MNAT1: variants seen among roughly 807,000 people sequenced by gnomAD.
The protein encoded by MNAT1 is CDK-activating kinase assembly factor MAT1.
MNAT1 carries 43 observed loss-of-function variants against 42.0 expected under a neutral mutation model. The ratio of observed to expected loss-of-function variants is 1.02; its 90% CI spans 0.80 to 1.32. The LOEUF is 1.32. MNAT1 is among the 40% of genes most tolerant of loss of function. The pLI is 0.00. For synonymous variants in MNAT1, 118 were observed against 120.0 expected (o/e 0.98, Z 0.11); for missense variants, 306 against 350.4 (o/e 0.87, Z 1.01).
At chr14:60,843,704 C>T (rs1190574435) in intron 6 of MNAT1, among the ~76,000 whole-genome samples, 1 of 152,146 alleles carries the variant, frequency 6.6e-6, no homozygotes, top group African/African-American at 2.4e-5. Context: ...AGTCCTTTGT[C>T]AGACATCTGT....
At chr14:60,906,676 G>A (rs957622487) in intron 7 of MNAT1, among the ~76,000 whole-genome samples, 5 of 152,040 alleles carry the variant, frequency 3.3e-5, no homozygotes, top group Non-Finnish European at 5.9e-5. Flanking sequence ...AAGCAATAAG[G>A]GGTTGTGTTG....
At chr14:60,774,996 C>T (rs566988160) in intron 1 of MNAT1, among the ~76,000 whole-genome samples, 7 of 151,930 alleles carry the variant, frequency 4.6e-5, no homozygotes, top group Non-Finnish European at 1.0e-4. Flanking sequence ...AGATCAGGGC[C>T]GTAATCAGAT....
chr14:60,933,446 A>G (rs2035928119), intron 7 of MNAT1, among the ~76,000 whole-genome samples: 1 of 152,160 alleles, frequency 6.6e-6, no homozygotes, highest in Admixed American at 6.5e-5. Flanking sequence ...AGTAGCGGGT[A>G]AGATGTTTTG....
chr14:60,945,964 C>T (rs1283425148), intron 7 of MNAT1, among the ~76,000 whole-genome samples: 12 of 152,170 alleles, frequency 7.9e-5, no homozygotes, highest in Non-Finnish European at 1.5e-4. Flanking sequence ...TCCAAAGCCA[C>T]ACTCTAACTA....
At chr14:60,735,093 G>C in intron 1 of MNAT1, 142 bp downstream of exon 1, 2 of 816,104 alleles carry the variant, frequency 2.5e-6, no homozygotes. Flanking sequence ...AGAAGGCGTT[G>C]TGACTTTAAA....
chr14:60,818,927 A>G (rs1394336389), intron 6 of MNAT1, 80 bp downstream of exon 6: 1 of 1,484,854 alleles, frequency 6.7e-7, no homozygotes, highest in East Asian at 2.3e-5. Flanking sequence ...TTTCTATAGT[A>G]AACCGAAATG....
At chr14:60,967,947 C>T (rs1170507992) in intron 7 of MNAT1, among the ~76,000 whole-genome samples, 19 of 152,138 alleles carry the variant, frequency 1.2e-4, no homozygotes, top group Non-Finnish European at 1.5e-4. Context: ...CTCTGAAAAT[C>T]GTGAAGCAGT....
intron 7 of MNAT1, among the ~76,000 whole-genome samples, chr14:60,894,096 C>T (rs961692912): frequency 6.6e-6 from 1 of 152,066 alleles, no homozygotes; most frequent in African/African-American, 2.4e-5. Flanking sequence ...CCTGCCTCTC[C>T]CCTAGACTTA....
chr14:60,838,096 C>A (rs1445628891), intron 6 of MNAT1, among the ~76,000 whole-genome samples: 1 of 151,974 alleles, frequency 6.6e-6, no homozygotes, highest in African/African-American at 2.4e-5. Flanking sequence ...TTTTCTTGAT[C>A]TGTTCAGAGA....
intron 7 of MNAT1, among the ~76,000 whole-genome samples, chr14:60,929,992 A>G (rs913411428): frequency 2.0e-5 from 3 of 151,930 alleles, no homozygotes; most frequent in Non-Finnish European, 4.4e-5. Context: ...TTTAAACTCA[A>G]ATTGTTTGCA....
intron 6 of MNAT1, among the ~76,000 whole-genome samples, chr14:60,843,709 A>G (rs1009384629): frequency 6.6e-6 from 1 of 152,172 alleles, no homozygotes; most frequent in South Asian, 2.1e-4. Flanking sequence ...TTTGTCAGAC[A>G]TCTGTTTTAT....
At chr14:60,898,057 C>T (rs1213812910) in intron 7 of MNAT1, among the ~76,000 whole-genome samples, 2 of 150,534 alleles carry the variant, frequency 1.3e-5, no homozygotes, top group Non-Finnish European at 2.9e-5. Flanking sequence ...CTGCAAATGA[C>T]GTGGTTTAAT....
intron 6 of MNAT1, among the ~76,000 whole-genome samples, chr14:60,848,703 TTACTC>T (rs1594800035): frequency 6.6e-6 from 1 of 152,148 alleles, no homozygotes; most frequent in East Asian, 1.9e-4. Context: ...ATAGATGTAT[TTACTC>T]TATATATGTC....
intron 6 of MNAT1, 36 bp from the exon 7 acceptor site, chr14:60,879,678 A>G: frequency 1.3e-6 from 2 of 1,563,236 alleles, no homozygotes; most frequent in Non-Finnish European, 8.7e-7. Flanking sequence ...TGAAAATAAT[A>G]ATAAGAGGTA....
At position 60,949,619 on chromosome 14, in the gene MNAT1, A is replaced by G. The variant is rs531083226; in HGVS notation, c.810-18610A>G. On this transcript the variant is annotated intron_variant, in intron 7 of 7. Coordinates refer to ENST00000261245, the MANE Select transcript of MNAT1 (RefSeq NM_002431.4). ...AACAGAATACTGAAAATAATGCTAC[A>G]ATTTTTAAAATAAGAGGAAAATATT... Among the ~76,000 whole-genome samples, 25 of 152,312 alleles carry G rather than the reference A, an allele frequency of 1.6e-4. No homozygotes were observed. The East Asian group carries it at 4.2e-3, about 26-fold the overall frequency.
At chr14:60,805,064 C>T (rs578127767) in intron 3 of MNAT1, among the ~76,000 whole-genome samples, 94 of 152,202 alleles carry the variant, frequency 6.2e-4, no homozygotes, top group African/African-American at 2.1e-3. Flanking sequence ...GAACCTTCCT[C>T]CTTTGCCATG....
intron 6 of MNAT1, among the ~76,000 whole-genome samples, chr14:60,856,615 A>C (rs1415994048): frequency 1.3e-5 from 2 of 151,998 alleles, no homozygotes; most frequent in Non-Finnish European, 2.9e-5. Flanking sequence ...TCAAAAGGCA[A>C]GGCTGCTGAC....
chr14:60,916,861 G>A (rs1039790007), intron 7 of MNAT1, among the ~76,000 whole-genome samples: 9 of 152,232 alleles, frequency 5.9e-5, no homozygotes, highest in African/African-American at 1.7e-4. Flanking sequence ...GCTGAGGCAC[G>A]AGAATTGCTT....
chr14:60,772,444 G>C (rs1002378378), intron 1 of MNAT1, among the ~76,000 whole-genome samples: 4 of 152,078 alleles, frequency 2.6e-5, no homozygotes, highest in Non-Finnish European at 5.9e-5. Context: ...AATTAGCCCG[G>C]TGTGGTGGCA....
Sources: allele counts gnomAD v4.1 joint callset (sites outside exome capture counted in the v4.1 genomes callset), GRCh38; gene constraint gnomAD v4.1.1; transcripts MANE v1.5; gene names NCBI Gene and HGNC (gene_info 2026-07-23, HGNC 2026-07-21).